SCHIP1: variants seen among roughly 807,000 people sequenced by gnomAD.
SCHIP1 encodes schwannomin-interacting protein 1.
SCHIP1 carries 8 observed loss-of-function variants against 29.7 expected under a neutral mutation model. The ratio of observed to expected loss-of-function variants is 0.27; its 90% confidence interval spans 0.16 to 0.49. The LOEUF (loss-of-function observed/expected upper bound fraction) is 0.49, where lower values mean the gene tolerates loss of function less well. Ranked by LOEUF, SCHIP1 falls within the 20% of genes least tolerant of loss-of-function variation. SCHIP1 has a pLI of 0.99. For missense variants in SCHIP1, 193 were observed against 294.6 expected (o/e 0.66, Z 2.52); for synonymous variants, 76 against 94.9 (o/e 0.80, Z 1.16).
At chr3:159,496,594 G>A in the SCHIP1 span, among the ~76,000 whole-genome samples, 1 of 152,146 alleles carries the variant, frequency 6.6e-6, no homozygotes, top group African/African-American at 2.4e-5. Flanking sequence ...TCATTAAAAA[G>A]TCAGGAAACA....
the SCHIP1 span, among the ~76,000 whole-genome samples, chr3:159,332,408 C>T: frequency 6.6e-6 from 1 of 152,168 alleles, no homozygotes. Flanking sequence ...AATCCGTCTC[C>T]CAAGTCCATA....
At chr3:159,758,948 A>G in the SCHIP1 span, among the ~76,000 whole-genome samples, 1 of 152,210 alleles carries the variant, frequency 6.6e-6, no homozygotes, top group Non-Finnish European at 1.5e-5. Context: ...TTTCAAACAT[A>G]CATTCACCTA....
At chr3:159,499,433 G>C in the SCHIP1 span, among the ~76,000 whole-genome samples, 1 of 152,180 alleles carries the variant, frequency 6.6e-6, no homozygotes, top group Non-Finnish European at 1.5e-5. Context: ...ATCATACTGT[G>C]ATCCTTATGA....
chr3:159,765,703 C>CT, the SCHIP1 span: 1 of 152,330 alleles, frequency 6.6e-6, no homozygotes, highest in Non-Finnish European at 1.5e-5. Flanking sequence ...TTTTCCTCCT[C>CT]TAAGACTTTC....
At chr3:159,512,640 G>T in the SCHIP1 span, among the ~76,000 whole-genome samples, 1 of 152,162 alleles carries the variant, frequency 6.6e-6, no homozygotes, top group Non-Finnish European at 1.5e-5. Context: ...GACATACAAG[G>T]TGAAACACGA....
the SCHIP1 span, among the ~76,000 whole-genome samples, chr3:159,497,618 A>T: frequency 6.6e-6 from 1 of 151,722 alleles, no homozygotes; most frequent in Non-Finnish European, 1.5e-5. Context: ...CTAAAAGAAG[A>T]TGAATAAGAA....
the SCHIP1 span, among the ~76,000 whole-genome samples, chr3:159,465,308 T>C: frequency 1.4e-5 from 2 of 146,860 alleles, no homozygotes; most frequent in African/African-American, 5.2e-5. Context: ...TAGCTTAATG[T>C]GTATGATTGT....
chr3:159,699,689 C>A, the SCHIP1 span, among the ~76,000 whole-genome samples: 75 of 152,308 alleles, frequency 4.9e-4, no homozygotes, highest in African/African-American at 1.6e-3. Context: ...TGGATCTTAG[C>A]AGAATTCTCT....
At chr3:159,423,408 G>A in the SCHIP1 span, among the ~76,000 whole-genome samples, 11 of 152,278 alleles carry the variant, frequency 7.2e-5, no homozygotes, top group South Asian at 2.1e-4. Flanking sequence ...AGATTATATC[G>A]CACACCTGGC....
At chr3:159,751,466 T>C in the SCHIP1 span, among the ~76,000 whole-genome samples, 37 of 152,206 alleles carry the variant, frequency 2.4e-4, no homozygotes, top group Non-Finnish European at 5.3e-4. Flanking sequence ...GGATGATTTA[T>C]GGAACTATAA....
chr3:159,717,767 C>A, the SCHIP1 span, among the ~76,000 whole-genome samples: 1 of 152,138 alleles, frequency 6.6e-6, no homozygotes, highest in Non-Finnish European at 1.5e-5. Context: ...AAGTCCAGGA[C>A]CAGATGGATT....
chr3:159,867,130 T>C (rs1258992643), intron 2 of SCHIP1, among the ~76,000 whole-genome samples: 1 of 152,194 alleles, frequency 6.6e-6, no homozygotes. Flanking sequence ...GATGAAAGCA[T>C]GTAGAATGTT....
chr3:159,390,214 T>A, the SCHIP1 span, among the ~76,000 whole-genome samples: 5,591 of 152,166 alleles, frequency 0.037, 355 homozygotes, highest in African/African-American at 0.13. Flanking sequence ...AGGACTTTTG[T>A]GAAAGTTATA....
At chr3:159,482,854 C>A in the SCHIP1 span, among the ~76,000 whole-genome samples, 1 of 152,094 alleles carries the variant, frequency 6.6e-6, no homozygotes, top group Non-Finnish European at 1.5e-5. Flanking sequence ...CAATGCCCAA[C>A]AGTGAGTAGT....
At chr3:159,855,378 T>C (rs1423482639) in intron 1 of SCHIP1, among the ~76,000 whole-genome samples, 4 of 152,206 alleles carry the variant, frequency 2.6e-5, no homozygotes, top group Admixed American at 2.0e-4. Flanking sequence ...AAAATAACTT[T>C]CCCTAATTAG....
chr3:159,664,591 C>T, the SCHIP1 span, among the ~76,000 whole-genome samples: 2 of 152,120 alleles, frequency 1.3e-5, no homozygotes, highest in African/African-American at 2.4e-5. Context: ...AACTCTAATG[C>T]CAATTAGTAA....
the SCHIP1 span, among the ~76,000 whole-genome samples, chr3:159,662,999 G>A: frequency 5.3e-5 from 8 of 152,190 alleles, no homozygotes; most frequent in African/African-American, 9.7e-5. Context: ...TTGGAGCTAC[G>A]TTCTGGGGGA....
the SCHIP1 span, among the ~76,000 whole-genome samples, chr3:159,719,804 A>G: frequency 6.6e-6 from 1 of 152,378 alleles, no homozygotes; most frequent in African/African-American, 2.4e-5. Context: ...AACTAGTTCA[A>G]CCATTGTGGA....
At chr3:159,680,404 G>A in the SCHIP1 span, among the ~76,000 whole-genome samples, 1 of 147,812 alleles carries the variant, frequency 6.8e-6, no homozygotes, top group African/African-American at 2.5e-5. Flanking sequence ...AGCTACTCGA[G>A]AGGCTGAGGC....
Sources: allele counts gnomAD v4.1 joint callset (sites outside exome capture counted in the v4.1 genomes callset), GRCh38; gene constraint gnomAD v4.1.1; transcripts MANE v1.5; gene names NCBI Gene and HGNC (gene_info 2026-07-23, HGNC 2026-07-21).